The following NXN variants were observed in gnomAD, a reference collection of about 807,000 sequenced individuals.
The protein encoded by NXN is nucleoredoxin.
In NXN, 16 loss-of-function variants were observed where a neutral mutation model predicts 48.6. That is an observed-to-expected ratio of 0.33 (90% CI 0.22 to 0.50). The LOEUF is 0.50. Ranked by LOEUF, NXN falls within the 20% of genes least tolerant of loss-of-function variation. NXN has a pLI of 0.98. For missense variants in NXN, 492 were observed against 605.5 expected (o/e 0.81, Z 1.97); for synonymous variants, 281 against 269.6 (o/e 1.04, Z -0.41).
At chr17:863,089 C>T (rs997972335) in intron 1 of NXN, among the ~76,000 whole-genome samples, 4 of 152,176 alleles carry the variant, frequency 2.6e-5, no homozygotes, top group African/African-American at 7.2e-5. Flanking sequence ...ATACTGAAGT[C>T]CCACAATCAG....
At chr17:940,472 C>T (rs527903261) in intron 1 of NXN, among the ~76,000 whole-genome samples, 1 of 152,308 alleles carries the variant, frequency 6.6e-6, no homozygotes, top group Admixed American at 6.5e-5. Flanking sequence ...TGGGCAACTT[C>T]CAAACGCAAT....
chr17:884,905 A>C (rs1172943579), intron 1 of NXN, among the ~76,000 whole-genome samples: 2 of 152,216 alleles, frequency 1.3e-5, no homozygotes, highest in African/African-American at 4.8e-5. Context: ...AGCTAAAGAA[A>C]GTGTGGGCTT....
rs957691921 is a variant in NXN, at chr17:825,270, G to A, written c.478+691C>T. Among the ~76,000 whole-genome samples, 7 of 151,988 alleles carry A rather than the reference G, an allele frequency of 4.6e-5. No homozygotes were observed. The highest frequency in any genetic ancestry group is 7.4e-5 in the Non-Finnish European group (5 of 68,010). ...GCTTCACGCTTGGTTCCACCATGCC[G>A]TGGTTTTTACTGAGGACAATTCTTT... is the stretch of plus-strand genomic sequence containing the variant. On this transcript the variant is annotated intron_variant, in intron 2 of 7. Transcript: ENST00000336868. This position sits in a 1 kb window ranked among gnomAD's most constrained non-coding sequence, Gnocchi z 4.1.
At chr17:921,160 C>G (rs1046417811) in intron 1 of NXN, among the ~76,000 whole-genome samples, 2 of 152,166 alleles carry the variant, frequency 1.3e-5, no homozygotes, top group African/African-American at 4.8e-5. Flanking sequence ...AGAGCAGCGG[C>G]TGGCACACAG....
intron 1 of NXN, among the ~76,000 whole-genome samples, chr17:869,760 T>C (rs923699219): frequency 1.3e-5 from 2 of 152,232 alleles, no homozygotes; most frequent in African/African-American, 4.8e-5. Flanking sequence ...TCTTTTTCAC[T>C]TCCTCTGCTC....
chr17:885,781 C>T lies in NXN; in HGVS notation c.361-59703G>A, dbSNP rs558153208. On this transcript the variant is annotated intron_variant, in intron 1 of 7. Coordinates refer to ENST00000336868, the MANE Select transcript of NXN (RefSeq NM_022463.5). The stretch of plus-strand genomic sequence containing the variant: ...CTGCAAGCTCTGCCTCCCGGGTTCA[C>T]GCCATTCTCCTGTCTCAGCCTCCCG... Among the ~76,000 whole-genome samples, 291 of 148,144 alleles carry T rather than the reference C, an allele frequency of 2.0e-3. 1 individual carries two copies. The highest frequency in any genetic ancestry group is 6.6e-3 in the African/African-American group (264 of 39,846).
intron 1 of NXN, among the ~76,000 whole-genome samples, chr17:827,297 T>C (rs540342703): frequency 1.1e-4 from 17 of 151,352 alleles, no homozygotes; most frequent in African/African-American, 3.9e-4. Context: ...GCCAACACGG[T>C]GAAACCCCGT....
chr17:807,716 C>T (rs1911648302), intron 5 of NXN, among the ~76,000 whole-genome samples: 2 of 152,222 alleles, frequency 1.3e-5, no homozygotes, highest in African/African-American at 2.4e-5. Context: ...CCAAGGAAGC[C>T]ACTCGTGTTC....
intron 1 of NXN, chr17:864,107 C>T (rs1316424581): frequency 3.4e-6 from 5 of 1,466,878 alleles, no homozygotes; most frequent in African/African-American, 2.9e-5. Flanking sequence ...TGAAGGGGCA[C>T]GTTTACCGTT....
At chr17:828,371 T>C (rs1243840896) in intron 1 of NXN, among the ~76,000 whole-genome samples, 1 of 144,278 alleles carries the variant, frequency 6.9e-6, no homozygotes, top group African/African-American at 2.6e-5. Flanking sequence ...CACAAAGTGC[T>C]GGGATTACAG....
intron 1 of NXN, among the ~76,000 whole-genome samples, chr17:888,116 T>C (rs1597696346): frequency 2.6e-5 from 4 of 152,170 alleles, no homozygotes; most frequent in South Asian, 2.1e-4. Context: ...CCGTACGGGG[T>C]ACAGAGAGGG....
chr17:951,464 ATC>A (rs1476857912), intron 1 of NXN, among the ~76,000 whole-genome samples: 2 of 151,018 alleles, frequency 1.3e-5, no homozygotes, highest in African/African-American at 4.9e-5. Context: ...CTGCAGCCTG[ATC>A]TCTCTGTTGA....
At chr17:824,694 G>C (rs922911216) in intron 2 of NXN, among the ~76,000 whole-genome samples, 2 of 152,168 alleles carry the variant, frequency 1.3e-5, no homozygotes, top group Admixed American at 6.6e-5. Context: ...TAAAAGAAAA[G>C]AGTAAAACCC....
chr17:843,052 GAA>G (rs1270488657), intron 1 of NXN, among the ~76,000 whole-genome samples: 3 of 114,806 alleles, frequency 2.6e-5, no homozygotes, highest in African/African-American at 1.2e-4. Context: ...AAGAAAGAAA[GAA>G]AGAAGGAAGA....
chr17:808,962 G>C (rs7211361), intron 5 of NXN, among the ~76,000 whole-genome samples: 27,705 of 152,004 alleles, frequency 0.18, 2,676 homozygotes, highest in East Asian at 0.29. Flanking sequence ...CAGGTGTGAG[G>C]CACCGCACCC....
intron 1 of NXN, among the ~76,000 whole-genome samples, chr17:875,403 GCAAA>G (rs2068203214): frequency 6.6e-6 from 1 of 152,056 alleles, no homozygotes; most frequent in African/African-American, 2.4e-5. Context: ...GAGCAGATCA[GCAAA>G]CAGACTCATA....
intron 1 of NXN, chr17:930,038 G>GA (rs2068838322): frequency 6.6e-6 from 1 of 151,602 alleles, no homozygotes; most frequent in African/African-American, 2.4e-5. Flanking sequence ...AAGTACCGAA[G>GA]AAAGTTCCAG....
In NXN at chr17:925,110, T is replaced by C. The variant is rs1432055432; in HGVS notation, c.360+54209A>G. ...AAGCTGATTGTCTCAGGTTTGACTG[T>C]CTCAGGCTTTGGTGTCTCGCAGAAG... is the stretch of plus-strand genomic sequence containing the variant. On this transcript the variant is annotated intron_variant, in intron 1 of 7. Transcript: ENST00000336868. Among the ~76,000 whole-genome samples the C allele has an allele frequency of 3.3e-5, 5 of 152,340 alleles. No homozygotes were observed. In the East Asian group the frequency reaches 9.6e-4, roughly 29 times the overall value.
intron 1 of NXN, among the ~76,000 whole-genome samples, chr17:906,723 C>T (rs1178708607): frequency 6.0e-5 from 9 of 150,610 alleles, no homozygotes; most frequent in Non-Finnish European, 1.0e-4. Flanking sequence ...CCCACCACCA[C>T]ACCCGGACAA....
Sources: allele counts gnomAD v4.1 joint callset (sites outside exome capture counted in the v4.1 genomes callset), GRCh38; gene constraint gnomAD v4.1.1; non-coding constraint Gnocchi (gnomAD v3.1); transcripts MANE v1.5; gene names NCBI Gene and HGNC (gene_info 2026-07-23, HGNC 2026-07-21).